The following HPSE2 variants were observed in gnomAD, a reference collection of about 807,000 sequenced individuals.
The protein encoded by HPSE2 is heparanase 2 (inactive), also known as inactive heparanase-2.
Under a neutral mutation model 60.5 loss-of-function variants are expected in HPSE2, and 38 were observed. The observed-to-expected ratio is 0.63, with a 90% CI of 0.48 to 0.82. HPSE2 has a LOEUF of 0.82. Ranked by LOEUF, HPSE2 falls within the 40% of genes least tolerant of loss-of-function variation. The pLI, the probability that HPSE2 is intolerant of heterozygous loss-of-function variation, is 0.00. For synonymous variants in HPSE2, 295 were observed against 293.2 expected (o/e 1.01, Z -0.06); for missense variants, 713 against 740.4 (o/e 0.96, Z 0.43).
chr10:98,473,700 T>C (rs538201951), intron 11 of HPSE2, among the ~76,000 whole-genome samples: 185 of 152,172 alleles, frequency 1.2e-3, no homozygotes, highest in African/African-American at 4.0e-3. Context: ...AGGGTAGATA[T>C]ATAGAAAAAT....
intron 5 of HPSE2, among the ~76,000 whole-genome samples, chr10:98,708,413 A>AC (rs1369586094): frequency 2.7e-5 from 4 of 150,468 alleles, no homozygotes; most frequent in Admixed American, 1.3e-4. Context: ...CCGAGATCAC[A>AC]CCACTGCACT....
At chr10:99,047,830 G>A in intron 3 of HPSE2, 2 of 798,728 alleles carry the variant, frequency 2.5e-6, no homozygotes, top group East Asian at 4.8e-5. Context: ...ATAGGCAGAT[G>A]TACAGAACTG....
chr10:99,055,460 A>C (rs1234594119), intron 3 of HPSE2, among the ~76,000 whole-genome samples: 1 of 152,206 alleles, frequency 6.6e-6, no homozygotes, highest in Non-Finnish European at 1.5e-5. Flanking sequence ...AAAATATAAA[A>C]GCCTCACGGA....
At chr10:98,625,891 AAGAGAT>A (rs773936315) in intron 7 of HPSE2, among the ~76,000 whole-genome samples, 2 of 152,152 alleles carry the variant, frequency 1.3e-5, no homozygotes, top group Non-Finnish European at 1.5e-5. Context: ...TCTCAAGGTC[AAGAGAT>A]AGAGACCAGC....
intron 11 of HPSE2, among the ~76,000 whole-genome samples, chr10:98,474,689 AT>A (rs1342866693): frequency 1.3e-5 from 2 of 152,216 alleles, no homozygotes; most frequent in African/African-American, 4.8e-5. Context: ...AGGCAATAAG[AT>A]TTTTGGTTCA....
At chr10:99,256,003 A>G in the HPSE2 span, among the ~76,000 whole-genome samples, 1 of 152,228 alleles carries the variant, frequency 6.6e-6, no homozygotes, top group Admixed American at 6.5e-5. Context: ...ACATCTTCTC[A>G]TGACTGGCAG....
chr10:98,983,778 C>A (rs772697471), intron 3 of HPSE2, among the ~76,000 whole-genome samples: 10 of 152,194 alleles, frequency 6.6e-5, no homozygotes, highest in African/African-American at 2.4e-4. Flanking sequence ...CCTGGAAAAT[C>A]GGGTCACTCC....
chr10:99,016,427 T>C (rs1957143172), intron 3 of HPSE2, among the ~76,000 whole-genome samples: 1 of 152,192 alleles, frequency 6.6e-6, no homozygotes, highest in South Asian at 2.1e-4. Context: ...GATGTTTTGG[T>C]TACTGTAGTC....
chr10:99,246,879 T>C, the HPSE2 span, among the ~76,000 whole-genome samples: 3 of 152,246 alleles, frequency 2.0e-5, no homozygotes, highest in Non-Finnish European at 4.4e-5. Context: ...GCTTCTACTT[T>C]AGTAATAGCT....
At chr10:99,252,785 G>A in the HPSE2 span, among the ~76,000 whole-genome samples, 4 of 151,062 alleles carry the variant, frequency 2.6e-5, no homozygotes, top group African/African-American at 9.7e-5. Context: ...GCTGAGGCAG[G>A]AGAATGGCAT....
chr10:98,904,846 TG>T (rs977727347), intron 3 of HPSE2, among the ~76,000 whole-genome samples: 1 of 152,206 alleles, frequency 6.6e-6, no homozygotes, highest in African/African-American at 2.4e-5. Flanking sequence ...ACAAATTGTC[TG>T]GACAAACAAT....
intron 3 of HPSE2, among the ~76,000 whole-genome samples, chr10:98,904,111 C>T (rs1435633863): frequency 1.3e-5 from 2 of 152,054 alleles, no homozygotes; most frequent in Non-Finnish European, 2.9e-5. Context: ...TTATAGTACA[C>T]TGTGATATAT....
the HPSE2 span, among the ~76,000 whole-genome samples, chr10:99,298,979 G>A: frequency 1.3e-5 from 2 of 152,062 alleles, no homozygotes; most frequent in African/African-American, 4.8e-5. Flanking sequence ...AGCCTATACA[G>A]GTTTTTATAG....
the HPSE2 span, among the ~76,000 whole-genome samples, chr10:99,284,462 C>T: frequency 6.6e-6 from 1 of 152,124 alleles, no homozygotes; most frequent in African/African-American, 2.4e-5. Context: ...CCTCACCTTA[C>T]ACCAGATACA....
chr10:99,233,712 C>T (rs1176150955), intron 1 of HPSE2, among the ~76,000 whole-genome samples: 1 of 152,144 alleles, frequency 6.6e-6, no homozygotes, highest in Admixed American at 6.5e-5. Context: ...TGAGAAGAGA[C>T]GTGGCTACCC....
chr10:98,638,800 A>G (rs893435457), intron 7 of HPSE2, among the ~76,000 whole-genome samples: 2 of 152,162 alleles, frequency 1.3e-5, no homozygotes, highest in Admixed American at 1.3e-4. Flanking sequence ...ATCTCAGGGA[A>G]TCTGTTATCC....
At chr10:98,886,794 G>A (rs1953179087) in intron 3 of HPSE2, among the ~76,000 whole-genome samples, 1 of 152,096 alleles carries the variant, frequency 6.6e-6, no homozygotes, top group Non-Finnish European at 1.5e-5. Context: ...GAGTAGGGCT[G>A]GTAGAGCTCT....
In HPSE2 at chr10:98,577,475, A is replaced by T. The variant is rs186331308; in HGVS notation, c.1320+37429T>A. ...TTCACTAGTCCTATATTATTATATT[A>T]TGATATTACCTAGCCCTAATCAAGC... On this transcript the variant is annotated intron_variant, in intron 9 of 11. Transcript: ENST00000370552. Among the ~76,000 whole-genome samples, 71 of 152,290 alleles carry T rather than the reference A, an allele frequency of 4.7e-4. 1 individual carries two copies. The highest frequency in any genetic ancestry group is 3.1e-3 in the Admixed American group (47 of 15,300).
At chr10:98,489,436 C>T (rs1167068600) in intron 10 of HPSE2, among the ~76,000 whole-genome samples, 1 of 152,208 alleles carries the variant, frequency 6.6e-6, no homozygotes, top group African/African-American at 2.4e-5. Context: ...AGGTTGTTGT[C>T]CAGAGCCCTC....
Sources: allele counts gnomAD v4.1 joint callset (sites outside exome capture counted in the v4.1 genomes callset), GRCh38; gene constraint gnomAD v4.1.1; transcripts MANE v1.5; gene names NCBI Gene and HGNC (gene_info 2026-07-23, HGNC 2026-07-21).